CFAP251: variants seen among roughly 807,000 people sequenced by gnomAD.
CFAP251 encodes the protein cilia- and flagella-associated protein 251.
CFAP251 carries 93 observed loss-of-function variants against 126.7 expected under a neutral mutation model. That is an observed-to-expected ratio of 0.73 (90% CI 0.62 to 0.87). CFAP251 has a LOEUF of 0.87. Among genes scored for constraint, CFAP251 ranks in the 40% least tolerant of loss-of-function variants. CFAP251 has a pLI of 0.00. For synonymous variants in CFAP251, 503 were observed against 506.9 expected (o/e 0.99, Z 0.10); for missense variants, 1,287 against 1,389.2 (o/e 0.93, Z 1.17).
At position 121,957,113 on chromosome 12, in the gene CFAP251, C is replaced by G; in HGVS notation, c.1575C>G (p.Phe525Leu). 6.2e-7 allele frequency: 1 copy of G among 1,609,830 alleles called. No individual in the cohort carries two copies. Among genetic ancestry groups the G allele is most frequent in the Non-Finnish European group, 8.5e-7 (1 of 1,178,666 alleles). ...GTGACATTAAGGGGAACATTAAGTT[C>G]TATGATCACACCCTGTCTATTGTTA... Reference protein sequence around the residue: ...VTGDIKGNIKFYDHTLSIVNW... With the variant: ...VTGDIKGNIKLYDHTLSIVNW... The change falls in exon 11 of 22, where the codon TTC (phenylalanine) becomes TTG (leucine). Residue 525 changes from phenylalanine (F) to leucine (L), a missense_variant. Phe to Leu is a conservative substitution (Grantham distance 22). Coordinates refer to ENST00000288912, the MANE Select transcript of CFAP251 (RefSeq NM_144668.6).
intron 19 of CFAP251, chr12:121,996,866 G>A (rs1388167844): frequency 6.6e-6 from 1 of 152,138 alleles, no homozygotes; most frequent in East Asian, 1.9e-4. Context: ...TCTAAAGTGA[G>A]GTGGCCTGGT....
At chr12:121,964,177 T>TGTTGTA (rs948191062) in intron 15 of CFAP251, among the ~76,000 whole-genome samples, 10 of 144,602 alleles carry the variant, frequency 6.9e-5, no homozygotes, top group African/African-American at 2.5e-4. Context: ...TTGTTGTTGT[T>TGTTGTA]GTAAACAGTT....
chr12:121,999,856 C>T lies in CFAP251; in HGVS notation c.3147C>T (p.His1049=), dbSNP rs764458822. 1 of 1,614,060 alleles carries T rather than the reference C, an allele frequency of 6.2e-7. No homozygotes were observed. Among genetic ancestry groups the T allele is most frequent in the African/African-American group, 1.3e-5 (1 of 74,932 alleles). Residue 1049 remains histidine (H), a synonymous_variant, in exon 20 of 22, where the codon CAC becomes CAT. Transcript: ENST00000288912. The stretch of plus-strand genomic sequence containing the variant: ...TTGGTAACACCATGAGTGGCATCCA[C>T]AAGAGCTTTGAGGTGCTCGGTTATA... ...PPFGNTMSGI[H]KSFEVLGYTN...
At chr12:121,934,175 G>C (rs1431727856) in intron 4 of CFAP251, 72 bp from the exon 5 acceptor site, 6 of 1,188,656 alleles carry the variant, frequency 5.0e-6, no homozygotes, top group Non-Finnish European at 4.8e-6. Context: ...TGGGTCCCCG[G>C]CCTTTGCTGA....
intron 19 of CFAP251, chr12:121,992,104 A>C (rs1882889133): frequency 1.6e-6 from 1 of 621,386 alleles, no homozygotes; most frequent in Non-Finnish European, 2.0e-6. Flanking sequence ...TGCCAATCAA[A>C]GGCCAGGCTG....
intron 19 of CFAP251, among the ~76,000 whole-genome samples, chr12:121,985,178 T>C (rs902607085): frequency 1.3e-5 from 2 of 152,250 alleles, no homozygotes; most frequent in African/African-American, 4.8e-5. Flanking sequence ...TTTTATTTGC[T>C]ATTTATTTTT....
chr12:121,924,453 A>T (rs550552942), intron 3 of CFAP251, among the ~76,000 whole-genome samples: 1 of 84,852 alleles, frequency 1.2e-5, no homozygotes, highest in Non-Finnish European at 2.1e-5. Context: ...TTTTTTGGAG[A>T]CACAGTTTCA....
At chr12:121,921,735 AT>A (rs1171432301) in intron 2 of CFAP251, 52 bp downstream of exon 2, 1 of 1,544,812 alleles carries the variant, frequency 6.5e-7, no homozygotes, top group Non-Finnish European at 8.8e-7. Flanking sequence ...CATTAGTTGA[AT>A]GCTTAGTATA....
chr12:121,927,516 C>T (rs753757946), intron 3 of CFAP251, among the ~76,000 whole-genome samples: 28 of 152,142 alleles, frequency 1.8e-4, no homozygotes, highest in Non-Finnish European at 3.4e-4. Flanking sequence ...AGGCTGGTCT[C>T]GAGCTCCTGA....
At chr12:121,926,550 A>G (rs1592961861) in intron 3 of CFAP251, among the ~76,000 whole-genome samples, 1 of 150,626 alleles carries the variant, frequency 6.6e-6, no homozygotes, top group Admixed American at 6.6e-5. Flanking sequence ...CTGGCCTTGA[A>G]CTCCTAAGCT....
intron 16 of CFAP251, among the ~76,000 whole-genome samples, 187 bp from the exon 17 acceptor site, chr12:121,967,819 G>A (rs1183903267): frequency 1.3e-5 from 2 of 152,216 alleles, no homozygotes; most frequent in Non-Finnish European, 2.9e-5. Context: ...GCTGTGCAAG[G>A]GGCCCCCTAC....
rs775426892 is a variant in CFAP251 at position 121,958,302 on chromosome 12, G to T, written c.1761G>T (p.Ala587=). 4 of 1,614,098 alleles carry T rather than the reference G, an allele frequency of 2.5e-6. No individual in the cohort carries two copies. Among genetic ancestry groups the T allele is most frequent in the Non-Finnish European group, 3.4e-6 (4 of 1,180,028 alleles). Residue 587 remains alanine, a synonymous_variant, in exon 12 of 22, where the codon GCG becomes GCT. Coordinates refer to ENST00000288912, the MANE Select transcript of CFAP251 (RefSeq NM_144668.6). The part of the protein sequence containing the change: ...RNFIIGTSDA[A]VYHLTTDGTK... The stretch of plus-strand genomic sequence containing the variant: ...TTATCATTGGAACATCTGATGCCGC[G>T]GTGTACCACTTAACAACAGATGGGA...
chr12:121,954,636 T>TAAAAAAAAAAAAAAAAAAAAAAAAAAA, intron 10 of CFAP251, among the ~76,000 whole-genome samples: 1 of 41,980 alleles, frequency 2.4e-5, no homozygotes, highest in Non-Finnish European at 4.0e-5. Context: ...CCTCCTGTCT[T>TAAAAAAAAAAAAAAAAAAAAAAAAAAA]AAAAAAAAAA....
intron 9 of CFAP251, among the ~76,000 whole-genome samples, chr12:121,952,403 G>C (rs1881564310): frequency 6.9e-6 from 1 of 145,418 alleles, no homozygotes; most frequent in Non-Finnish European, 1.5e-5. Flanking sequence ...CTGGGCAACA[G>C]AACAAGACCC....
intron 15 of CFAP251, among the ~76,000 whole-genome samples, chr12:121,965,399 A>T (rs1038181146): frequency 1.1e-4 from 16 of 152,336 alleles, no homozygotes; most frequent in Middle Eastern, 6.8e-3. Context: ...ATTAAATTTT[A>T]TCATATCTTC....
chr12:121,957,718 A>AG (rs2135781537), intron 11 of CFAP251, among the ~76,000 whole-genome samples: 1 of 151,600 alleles, frequency 6.6e-6, no homozygotes, highest in African/African-American at 2.4e-5. Context: ...AAAAAAAAAA[A>AG]AAAAATTAAT....
chr12:121,921,668 A>C lies in CFAP251; in HGVS notation c.363A>C (p.Thr121=). ...AGATTACTGATTCCCAGTCAATCAC[A>C]TCAGGAATTTTCCCAGTAAGTAGTC... ...ETQITDSQSI[T]SGIFPKTQRG... The change falls in exon 2 of 22, where the codon ACA becomes ACC. Residue 121 remains threonine, a synonymous_variant. Transcript: ENST00000288912. The C allele has an allele frequency of 6.2e-7, 1 of 1,604,122 alleles. No homozygotes were observed. Among genetic ancestry groups the C allele is most frequent in the South Asian group, 1.1e-5 (1 of 89,218 alleles).
intron 5 of CFAP251, among the ~76,000 whole-genome samples, chr12:121,937,733 T>C (rs986284331): frequency 6.6e-5 from 10 of 152,062 alleles, no homozygotes; most frequent in African/African-American, 2.4e-4. Context: ...CAGGAACTGC[T>C]CTCCCACAGG....
At chr12:121,932,021 C>G (rs1232412428) in intron 4 of CFAP251, 135 bp downstream of exon 4, 1 of 867,412 alleles carries the variant, frequency 1.2e-6, no homozygotes, top group Non-Finnish European at 1.6e-6. Flanking sequence ...TAAAAGCAAG[C>G]CTGTCTTTAG....
Sources: allele counts gnomAD v4.1 joint callset (sites outside exome capture counted in the v4.1 genomes callset), GRCh38; gene constraint gnomAD v4.1.1; transcripts MANE v1.5; gene names NCBI Gene and HGNC (gene_info 2026-07-23, HGNC 2026-07-21).